The following CCDC62 variants were observed in gnomAD, a reference collection of about 807,000 sequenced individuals.
The protein encoded by CCDC62 is coiled-coil domain-containing protein 62.
CCDC62 carries 72 observed loss-of-function variants against 80.8 expected under a neutral mutation model. The observed-to-expected ratio is 0.89, with a 90% CI of 0.74 to 1.08. The LOEUF (loss-of-function observed/expected upper bound fraction) is 1.08. Among genes scored for constraint, CCDC62 ranks in the 50% least tolerant of loss-of-function variants. CCDC62 has a pLI of 0.00. For missense variants in CCDC62, 704 were observed against 809.4 expected (o/e 0.87, Z 1.58); for synonymous variants, 286 against 296.5 (o/e 0.96, Z 0.36).
chr12:122,781,417 G>A (rs1459171885), intron 3 of CCDC62, 87 bp downstream of exon 3: 1 of 1,297,096 alleles, frequency 7.7e-7, no homozygotes, highest in African/African-American at 1.5e-5. Flanking sequence ...CGGGCACGGT[G>A]GCTCACTCCT....
intron 3 of CCDC62, among the ~76,000 whole-genome samples, chr12:122,784,948 G>A (rs1177662282): frequency 2.0e-5 from 3 of 152,146 alleles, no homozygotes; most frequent in Admixed American, 6.6e-5. Flanking sequence ...AGACCAGCCC[G>A]GCCAACGTGG....
At position 122,801,266 on chromosome 12, in the gene CCDC62, G is replaced by A. The variant is rs774474363; in HGVS notation, c.1120G>A (p.Asp374Asn). The A allele has an allele frequency of 1.4e-5, 22 of 1,614,008 alleles. No individual in the cohort carries two copies. Among genetic ancestry groups the A allele is most frequent in the South Asian group, 3.3e-5 (3 of 91,092 alleles). ...AAATAGGTCAGACAAGAGCTCTTGCGATGAATGCAAAGAGAAGAAACAACA... is the reference window on the plus strand; with the variant it reads ...AAATAGGTCAGACAAGAGCTCTTGCAATGAATGCAAAGAGAAGAAACAACA... The part of the protein sequence containing the change: ...QQNRSDKSSC[D>N]ECKEKKQQID... The change falls in exon 9 of 13, where the codon GAT becomes AAT. Residue 374 changes from aspartate to asparagine, a missense_variant. By Grantham distance (23) the Asp-to-Asn change is conservative (BLOSUM62 1). Coordinates refer to ENST00000253079, the MANE Select transcript of CCDC62 (RefSeq NM_201435.5).
intron 11 of CCDC62, among the ~76,000 whole-genome samples, chr12:122,822,307 T>C (rs2032441783): frequency 6.6e-6 from 1 of 152,022 alleles, no homozygotes; most frequent in South Asian, 2.1e-4. Flanking sequence ...GGTTTCACCA[T>C]GTTGGCCAGG....
Position 122,801,174 on chromosome 12 carries a change from T to A in CCDC62, c.1028T>A (p.Ile343Asn), listed in dbSNP as rs778507187. 1.9e-6 allele frequency: 3 copies of A among 1,613,772 alleles called. No individual in the cohort carries two copies. The highest frequency in any genetic ancestry group is 2.5e-6 in the Non-Finnish European group (3 of 1,179,944). The change falls in exon 9 of 13, where the codon ATT (isoleucine) becomes AAT (asparagine). Residue 343 changes from isoleucine (I) to asparagine (N), a missense_variant. By Grantham distance (149) the Ile-to-Asn change is moderately radical (BLOSUM62 -3). Coordinates refer to ENST00000253079, the MANE Select transcript of CCDC62 (RefSeq NM_201435.5). ...GAAAATAACCACCCAAAAGTCGATA[T>A]TAAGAGGGAAAAAAATCAGAAGTCA... Reference protein sequence around the residue: ...DLENNHPKVDIKREKNQKSLF... With the variant: ...DLENNHPKVDNKREKNQKSLF...
At chr12:122,797,657 C>T (rs2031042295) in intron 7 of CCDC62, among the ~76,000 whole-genome samples, 2 of 152,304 alleles carry the variant, frequency 1.3e-5, no homozygotes, top group South Asian at 4.2e-4. Flanking sequence ...CCTCCTGCCT[C>T]AGCCTCCCAA....
intron 1 of CCDC62, among the ~76,000 whole-genome samples, chr12:122,776,344 A>C (rs1879454221): frequency 6.6e-6 from 1 of 152,264 alleles, no homozygotes; most frequent in African/African-American, 2.4e-5. Flanking sequence ...TATACTTCAA[A>C]GAAATTATTG....
At chr12:122,812,777 G>GAGACAGAAAGAAAGAAAGAA (rs750420995) in intron 10 of CCDC62, among the ~76,000 whole-genome samples, 1 of 57,760 alleles carries the variant, frequency 1.7e-5, no homozygotes, top group African/African-American at 7.8e-5. Flanking sequence ...GAGAGAGAGA[G>GAGACAGAAAGAAAGAAAGAA]AGAAAGAAAG....
rs1347243915 is a variant in CCDC62, at chr12:122,781,164, G to A, written c.230G>A (p.Gly77Asp). The change falls in exon 3 of 13, where the codon GGT becomes GAT. Residue 77 changes from glycine (G) to aspartate (D), a missense_variant and splice_region_variant. Transcript: ENST00000253079. ...TLEERCSKLE[G>D]ELHKRTEIIR... is the part of the protein sequence containing the mutation. ...CAAATTATTGATGAACTTCCCTCAG[G>A]TGAACTACATAAAAGAACTGAAATA... The A allele has an allele frequency of 1.9e-6, 3 of 1,609,450 alleles. No homozygotes were observed. Among genetic ancestry groups the A allele is most frequent in the South Asian group, 2.2e-5 (2 of 90,276 alleles).
rs140787242 is a variant in CCDC62, at chr12:122,808,072, G to A, written c.1851+1777G>A. 3.3e-5 allele frequency among the ~76,000 whole-genome samples: 5 copies of A among 152,160 alleles called. No individual in the cohort carries two copies. In the East Asian group the frequency reaches 9.6e-4, roughly 29 times the overall value. ...AACACTTTGGGAGGCCGAGGCAGGC[G>A]GATCACTTGAGGTCAGGCGTTCGAG... On this transcript the variant is annotated intron_variant, in intron 10 of 12. Transcript: ENST00000253079.
At chr12:122,803,539 T>C (rs1335664716) in intron 9 of CCDC62, among the ~76,000 whole-genome samples, 1 of 152,220 alleles carries the variant, frequency 6.6e-6, no homozygotes, top group Non-Finnish European at 1.5e-5. Context: ...AATCATTACA[T>C]TGGCTTTTAT....
chr12:122,825,675 T>TAAAGTTTTATA (rs1859890960), intron 12 of CCDC62, among the ~76,000 whole-genome samples: 2 of 148,562 alleles, frequency 1.3e-5, no homozygotes, highest in South Asian at 4.3e-4. Context: ...TTATGTGGAG[T>TAAAGTTTTATA]AAAGTTTTAT....
At chr12:122,823,204 G>A (rs1162716910) in intron 11 of CCDC62, among the ~76,000 whole-genome samples, 162 bp from the exon 12 acceptor site, 8 of 152,132 alleles carry the variant, frequency 5.3e-5, no homozygotes, top group African/African-American at 1.2e-4. Context: ...CAAGTGATCC[G>A]CCCACCCTGG....
At chr12:122,810,820 C>T (rs1334565883) in intron 10 of CCDC62, among the ~76,000 whole-genome samples, 1 of 152,120 alleles carries the variant, frequency 6.6e-6, no homozygotes, top group Non-Finnish European at 1.5e-5. Context: ...CACATATACA[C>T]CATGGAATAC....
chr12:122,777,421 G>A (rs1566065988), intron 1 of CCDC62, 70 bp from the exon 2 acceptor site: 9 of 1,368,656 alleles, frequency 6.6e-6, no homozygotes, highest in Middle Eastern at 2.1e-4. Context: ...TACTTATTTG[G>A]AAAATGGACT....
intron 10 of CCDC62, among the ~76,000 whole-genome samples, chr12:122,812,414 C>T (rs2031932067): frequency 7.1e-6 from 1 of 141,308 alleles, no homozygotes; most frequent in Admixed American, 7.7e-5. Context: ...TGCACTCCAG[C>T]CTAGGCAACA....
Position 122,827,265 on chromosome 12 carries a change from C to T in CCDC62, c.*884C>T, listed in dbSNP as rs376826347. 8.5e-5 allele frequency: 13 copies of T among 152,116 alleles called. No homozygotes were observed. Among genetic ancestry groups the T allele is most frequent in the African/African-American group, 2.2e-4 (9 of 41,426 alleles). The allele number at this position is 152,116 out of a possible 1,614,324, so 9.4% of individuals were successfully genotyped here. A position where few individuals can be genotyped will look rare whatever the true frequency, so the allele number is the denominator to read the frequency against. On this transcript the variant is annotated 3_prime_UTR_variant, in exon 13 of 13. Transcript: ENST00000253079. The stretch of plus-strand genomic sequence containing the variant: ...TTACAGGAGTAAAATAAGGAAGGAA[C>T]GTTCATCACTTTAAACTGAACCTGG...
At chr12:122,816,261 G>A (rs1696321) in intron 11 of CCDC62, among the ~76,000 whole-genome samples, 12,350 of 152,196 alleles carry the variant, frequency 0.081, 1,643 homozygotes, top group African/African-American at 0.28. Context: ...TTAGTGAAGC[G>A]TTGCATTTAT....
At chr12:122,820,840 CAA>C (rs35113362) in intron 11 of CCDC62, among the ~76,000 whole-genome samples, 98,729 of 129,816 alleles carry the variant, frequency 0.76, 37,290 homozygotes, top group Admixed American at 0.82. Flanking sequence ...GACTCTGTCT[CAA>C]AAAAAAAAAA....
intron 7 of CCDC62, among the ~76,000 whole-genome samples, chr12:122,797,875 T>G (rs2031056727): frequency 6.6e-6 from 1 of 152,170 alleles, no homozygotes; most frequent in Admixed American, 6.5e-5. Context: ...TAGGTCTTGC[T>G]TGTGGTGATC....
Sources: allele counts gnomAD v4.1 joint callset (sites outside exome capture counted in the v4.1 genomes callset), GRCh38; gene constraint gnomAD v4.1.1; transcripts MANE v1.5; gene names NCBI Gene and HGNC (gene_info 2026-07-23, HGNC 2026-07-21).